The following GALNT14 variants were observed in gnomAD, a reference collection of about 807,000 sequenced individuals.
GALNT14 encodes UDP-GalNAc:polypeptide N-acetylgalactosaminyltransferase 14.
Under a neutral mutation model 77.5 loss-of-function variants are expected in GALNT14, and 60 were observed. The observed-to-expected ratio is 0.77, with a 90% CI of 0.63 to 0.96. The LOEUF (loss-of-function observed/expected upper bound fraction) is 0.96, where lower values mean the gene tolerates loss of function less well. Among genes scored for constraint, GALNT14 ranks in the 40% least tolerant of loss-of-function variants. GALNT14 has a pLI of 0.00. For synonymous variants in GALNT14, 280 were observed against 281.7 expected (o/e 0.99, Z 0.06); for missense variants, 710 against 731.0 (o/e 0.97, Z 0.33).
chr2:31,013,797 A>C (rs1244148935), intron 1 of GALNT14, among the ~76,000 whole-genome samples: 1 of 152,226 alleles, frequency 6.6e-6, no homozygotes, highest in Admixed American at 6.5e-5. Flanking sequence ...CAAAATAAAA[A>C]ACCCAAGAAT....
chr2:31,079,896 C>T (rs1277820717), intron 1 of GALNT14, among the ~76,000 whole-genome samples: 1 of 152,204 alleles, frequency 6.6e-6, no homozygotes, highest in Non-Finnish European at 1.5e-5. Context: ...CCTCCTGCTG[C>T]TCCCAGGGAA....
chr2:30,945,896 G>A (rs1666665701), intron 6 of GALNT14, 26 bp from the exon 7 acceptor site: 1 of 1,603,198 alleles, frequency 6.2e-7, no homozygotes, highest in African/African-American at 1.3e-5. Context: ...CCCGCACTTA[G>A]CTTATGGAGA....
Position 30,944,879 on chromosome 2 carries a change from A to G in GALNT14, c.806T>C (p.Leu269Pro). The stretch of plus-strand genomic sequence containing the variant: ...TTACCTGATGGGCTCCGTGGGGTCC[A>G]GGCGCCGAGCCTTCTGCTCTGGGGA... ...QLSPEQKARR[L>P]DPTEPIRTPI... The change falls in exon 8 of 15, where the codon CTG (leucine) becomes CCG (proline). Residue 269 changes from leucine to proline, a missense_variant. Leu to Pro is a moderately conservative substitution (Grantham distance 98). Transcript: ENST00000349752. The G allele has an allele frequency of 1.2e-6, 2 of 1,609,932 alleles. No homozygotes were observed. The highest frequency in any genetic ancestry group is 1.7e-6 in the Non-Finnish European group (2 of 1,177,236).
Position 31,121,969 on chromosome 2 carries a change from T to C in GALNT14, c.129+15989A>G, listed in dbSNP as rs139502349. On this transcript the variant is annotated intron_variant, in intron 1 of 14. Coordinates refer to ENST00000349752, the MANE Select transcript of GALNT14 (RefSeq NM_024572.4). ...AGCAGAGATACCAGGAAATAGGCCA[T>C]CTTCTATCATTTACAAAAGCCAGTG... Among the ~76,000 whole-genome samples, 20 of 152,224 alleles carry C rather than the reference T, an allele frequency of 1.3e-4. No individual in the cohort carries two copies. In the East Asian group the frequency reaches 3.9e-3, roughly 29 times the overall value.
rs374388235 is a variant in GALNT14, at chr2:30,927,123, A to T, written c.1151+2272T>A. Among the ~76,000 whole-genome samples, 597 of 152,280 alleles carry T rather than the reference A, an allele frequency of 3.9e-3. 10 individuals are homozygous for T. The highest frequency in any genetic ancestry group is 0.032 in the South Asian group (153 of 4,818). On this transcript the variant is annotated intron_variant, in intron 11 of 14. Coordinates refer to ENST00000349752, the MANE Select transcript of GALNT14 (RefSeq NM_024572.4). ...AGGCACCCGGAGGGCAAAGCCCCCTAAGGAGTGTGGTTCCCAAACTTGTCC... is the reference window on the plus strand; with the variant it reads ...AGGCACCCGGAGGGCAAAGCCCCCTTAGGAGTGTGGTTCCCAAACTTGTCC...
chr2:30,904,727 T>C, the GALNT14 span, among the ~76,000 whole-genome samples: 10 of 152,356 alleles, frequency 6.6e-5, no homozygotes, highest in South Asian at 4.1e-4. Flanking sequence ...AGGAGGCCTG[T>C]CTGCCTCTGT....
At chr2:31,053,613 C>A (rs1674030648) in intron 1 of GALNT14, among the ~76,000 whole-genome samples, 1 of 152,174 alleles carries the variant, frequency 6.6e-6, no homozygotes, top group Non-Finnish European at 1.5e-5. Flanking sequence ...CCTGAGGCAT[C>A]TGCTCCATTT....
intron 13 of GALNT14, among the ~76,000 whole-genome samples, chr2:30,916,869 G>A (rs1325359075): frequency 6.6e-6 from 1 of 151,972 alleles, no homozygotes; most frequent in African/African-American, 2.4e-5. Flanking sequence ...ACGAGGTCAG[G>A]AGTTTGAGAC....
intron 1 of GALNT14, among the ~76,000 whole-genome samples, chr2:31,001,503 A>C (rs60787090): frequency 0.036 from 5,456 of 152,252 alleles, 334 homozygotes; most frequent in African/African-American, 0.13. Flanking sequence ...GAAGGGGACA[A>C]AGTGGTCCAG....
rs547052626 is a variant in GALNT14 at position 31,138,393 on chromosome 2, T to TGCC, written c.-310_-308dup. On this transcript the variant is annotated 5_prime_UTR_variant, in exon 1 of 15. Coordinates refer to ENST00000349752, the MANE Select transcript of GALNT14 (RefSeq NM_024572.4). The stretch of plus-strand genomic sequence containing the variant: ...ATGTTCCCCACGCCGCCACCGCGGC[T>TGCC]GCCGCCGCCGCCGCCGCCGCCTTGC... 8.8e-3 allele frequency: 2,985 copies of TGCC among 341,142 alleles called. 28 individuals are homozygous for TGCC. The highest frequency in any genetic ancestry group is 9.0e-3 in the Non-Finnish European group (1,680 of 185,934). The allele number at this position is 341,142 out of a possible 1,614,324, so 21.1% of individuals were successfully genotyped here.
At chr2:30,955,274 G>T (rs2148316615) in intron 6 of GALNT14, among the ~76,000 whole-genome samples, 1 of 152,262 alleles carries the variant, frequency 6.6e-6, no homozygotes, top group Non-Finnish European at 1.5e-5. Flanking sequence ...ACCCATAAGG[G>T]TTCCCATTCT....
At chr2:31,118,346 GA>G (rs1243148502) in intron 1 of GALNT14, among the ~76,000 whole-genome samples, 1 of 152,052 alleles carries the variant, frequency 6.6e-6, no homozygotes, top group African/African-American at 2.4e-5. Context: ...TCCAACTTAT[GA>G]AAATAGATGT....
intron 8 of GALNT14, among the ~76,000 whole-genome samples, chr2:30,944,462 T>C (rs1372588237): frequency 2.0e-5 from 3 of 152,240 alleles, no homozygotes; most frequent in Admixed American, 6.5e-5. Context: ...CTTACAGCAG[T>C]GGCTGACTCA....
chr2:30,912,241 C>T lies in GALNT14; in HGVS notation c.1482G>A (p.Lys494=). 4 of 1,614,164 alleles carry T rather than the reference C, an allele frequency of 2.5e-6. No individual in the cohort carries two copies. The highest frequency in any genetic ancestry group is 3.4e-6 in the Non-Finnish European group (4 of 1,180,022). ...CACTTACCTGTCGGTCATCTCCATT[C>T]TTGCAAAGGACAAGAACCACTGGGG... ...PGAPVVLVLC[K]NGDDRQQWTK... The change falls in exon 14 of 15, where the codon AAG becomes AAA. Residue 494 remains lysine, a synonymous_variant. Transcript: ENST00000349752.
At chr2:30,966,095 G>A in intron 3 of GALNT14, 109 bp downstream of exon 3, 2 of 748,986 alleles carry the variant, frequency 2.7e-6, no homozygotes, top group Non-Finnish European at 4.7e-6. Flanking sequence ...CTGGCACGTA[G>A]TTAGATGTGT....
At chr2:30,942,128 C>T (rs545248574) in intron 9 of GALNT14, 73 bp downstream of exon 9, 2 of 1,094,332 alleles carry the variant, frequency 1.8e-6, no homozygotes, top group African/African-American at 3.1e-5. Context: ...GGATCCAAAA[C>T]CACAGAGGTC....
intron 2 of GALNT14, among the ~76,000 whole-genome samples, chr2:30,968,925 A>G (rs1379256978): frequency 6.6e-6 from 1 of 152,132 alleles, no homozygotes; most frequent in East Asian, 1.9e-4. Flanking sequence ...GAGGGAGGGC[A>G]TTGCTCGTAG....
At chr2:31,042,105 C>T (rs922560859) in intron 1 of GALNT14, among the ~76,000 whole-genome samples, 5 of 152,278 alleles carry the variant, frequency 3.3e-5, no homozygotes, top group Non-Finnish European at 7.4e-5. Flanking sequence ...CAGTTTTATA[C>T]ATTCTAACCT....
chr2:30,906,692 C>T (rs1259671012), downstream of GALNT14, among the ~76,000 whole-genome samples: 2 of 152,000 alleles, frequency 1.3e-5, no homozygotes, highest in African/African-American at 4.8e-5. Flanking sequence ...TTAAACTCAG[C>T]TCTGCACCAA....
Sources: gnomAD v4.1 joint callset for allele counts (sites outside exome capture counted in the v4.1 genomes callset) on GRCh38, gnomAD v4.1.1 for gene constraint, MANE v1.5 for transcripts, NCBI Gene and HGNC (gene_info 2026-07-23, HGNC 2026-07-21) for gene names.